The following FCRL5 variants were observed in gnomAD, a reference collection of about 807,000 sequenced individuals.
FCRL5 encodes the protein Fc receptor-like protein 5.
A neutral mutation model predicts 92.1 loss-of-function variants in FCRL5; 79 were observed. The observed-to-expected ratio is 0.86, with a 90% CI of 0.72 to 1.03. FCRL5 has a LOEUF of 1.03. Ranked by LOEUF, FCRL5 falls within the 50% of genes least tolerant of loss-of-function variation. FCRL5 has a pLI of 0.00. For synonymous variants in FCRL5, 466 were observed against 469.3 expected (o/e 0.99, Z 0.09); for missense variants, 1,160 against 1,181.1 (o/e 0.98, Z 0.26).
Position 157,529,929 on chromosome 1 carries a change from AACCAAAC to A in FCRL5, c.1682-2041_1682-2035del, listed in dbSNP as rs1335770583. On this transcript the variant is annotated intron_variant, in intron 8 of 16. Transcript: ENST00000361835. ...TTACTACTAAAGAAGTTACTCATGT[AACCAAAC>A]ACCACCTGGTCCCCAAAACTACTGA... Among the ~76,000 whole-genome samples the A allele has an allele frequency of 8.5e-5, 13 of 152,348 alleles. No homozygotes were observed. The East Asian group carries it at 2.5e-3, about 29-fold the overall frequency.
At chr1:157,547,457 G>A (rs1340402177) in intron 2 of FCRL5, 1 of 655,114 alleles carries the variant, frequency 1.5e-6, no homozygotes, top group Non-Finnish European at 2.8e-6. Flanking sequence ...ATCACAGTTA[G>A]GTAGCCTTAC....
chr1:157,543,138 C>T lies in FCRL5; in HGVS notation c.845-1G>A. On this transcript the variant is annotated splice_acceptor_variant, in intron 5 of 16. Coordinates refer to ENST00000361835, the MANE Select transcript of FCRL5 (RefSeq NM_031281.3). LOFTEE classifies it high-confidence loss of function. ...GTGAGGACAGGATGAGATGCAGGGA[C>T]TGAGCAAGAGAAAAAATTAGTCAAG... 1 of 1,612,188 alleles carries T rather than the reference C, an allele frequency of 6.2e-7. No homozygotes were observed. The highest frequency in any genetic ancestry group is 8.5e-7 in the Non-Finnish European group (1 of 1,179,110).
chr1:157,521,178 C>T lies in FCRL5; in HGVS notation c.2354G>A (p.Arg785Gln), dbSNP rs529674464. ...TAGGGTGACATCCTCATGAAAAAACCGGTACAGGATCAGGGGAGAGCCTCT... is the reference window on the plus strand; with the variant it reads ...TAGGGTGACATCCTCATGAAAAAACTGGTACAGGATCAGGGGAGAGCCTCT... ...ALRGSPLILY[R>Q]FFHEDVTLGN... Residue 785 changes from arginine to glutamine, a missense_variant, in exon 11 of 17, where the codon CGG becomes CAG. Transcript: ENST00000361835. 122 of 1,614,098 alleles carry T rather than the reference C, an allele frequency of 7.6e-5. No homozygotes were observed. Among genetic ancestry groups the T allele is most frequent in the Non-Finnish European group, 9.5e-5 (112 of 1,180,008 alleles).
intron 11 of FCRL5, 71 bp from the exon 12 acceptor site, chr1:157,520,618 C>T: frequency 1.7e-6 from 2 of 1,192,590 alleles, no homozygotes; most frequent in South Asian, 2.8e-5. Flanking sequence ...CCGGAAGCTG[C>T]TGCCTGGGCC....
Position 157,552,209 on chromosome 1 carries a change from A to G in FCRL5, c.31+123T>C, listed in dbSNP as rs527333528. On this transcript the variant is annotated intron_variant, in intron 1 of 16. Coordinates refer to ENST00000361835, the MANE Select transcript of FCRL5 (RefSeq NM_031281.3). ...GCTACAGAGTAAAGTTCAAAAATACAGTCTCCTAATGTAGGAGAGAGTCTC... is the reference window on the plus strand; with the variant it reads ...GCTACAGAGTAAAGTTCAAAAATACGGTCTCCTAATGTAGGAGAGAGTCTC... 35 of 920,984 alleles carry G rather than the reference A, an allele frequency of 3.8e-5. No homozygotes were observed. The African/African-American group carries it at 5.6e-4, about 15-fold the overall frequency. The allele number at this position is 920,984 out of a possible 1,614,324, so 57.1% of individuals were successfully genotyped here. A position where few individuals can be genotyped will look rare whatever the true frequency, so the allele number is the denominator to read the frequency against.
chr1:157,546,562 C>T (rs759722808), intron 3 of FCRL5, among the ~76,000 whole-genome samples: 2 of 151,980 alleles, frequency 1.3e-5, no homozygotes, highest in South Asian at 2.1e-4. Context: ...TTTCTGGTAC[C>T]GGAGAGGCTT....
chr1:157,515,288 G>A lies in FCRL5; in HGVS notation c.*387C>T, dbSNP rs1649867468. 9.9e-6 allele frequency: 3 copies of A among 301,742 alleles called. No homozygotes were observed. The allele number at this position is 301,742 out of a possible 1,614,324, so 18.7% of individuals were successfully genotyped here. ...TCTGTGTCGGAGTTTAGGAGCACCT[G>A]AGCTGTTAGGCCAGCCCGGCATCTC... On this transcript the variant is annotated 3_prime_UTR_variant, in exon 17 of 17. Transcript: ENST00000361835.
chr1:157,518,542 T>G (rs1286356118), intron 14 of FCRL5, 45 bp from the exon 15 acceptor site: 2 of 1,560,538 alleles, frequency 1.3e-6, no homozygotes, highest in Admixed American at 3.3e-5. Flanking sequence ...GGTTCTTGCC[T>G]CTTGTTAGAG....
chr1:157,525,568 C>T (rs74118654), intron 9 of FCRL5, among the ~76,000 whole-genome samples: 1 of 152,206 alleles, frequency 6.6e-6, no homozygotes, highest in African/African-American at 2.4e-5. Flanking sequence ...TTTAAAAGAC[C>T]ATTTTGACCT....
At chr1:157,545,203 TATC>T in intron 3 of FCRL5, 121 bp from the exon 4 acceptor site, 1 of 1,122,940 alleles carries the variant, frequency 8.9e-7, no homozygotes, top group Non-Finnish European at 1.2e-6. Context: ...TTAAAATAAT[TATC>T]ATTTCTTTTT....
rs921015251 is a variant in FCRL5, at chr1:157,518,380, A to G, written c.2812+49T>C. ...GCTGAGTGGGTAGAAACTGAGCTAT[A>G]CTGTCTAAGTTGAGGGTGGGCCAGA... is the stretch of plus-strand genomic sequence containing the variant. On this transcript the variant is annotated intron_variant, in intron 15 of 16. Coordinates refer to ENST00000361835, the MANE Select transcript of FCRL5 (RefSeq NM_031281.3). The G allele has an allele frequency of 4.0e-6, 6 of 1,496,102 alleles. No homozygotes were observed. In the Middle Eastern group the frequency reaches 5.1e-4, roughly 128 times the overall value. 92.7% of individuals were successfully genotyped at this position (1,496,102 alleles called of 1,614,324 possible).
intron 14 of FCRL5, 38 bp from the exon 15 acceptor site, chr1:157,518,535 T>C (rs1164597586): frequency 6.4e-7 from 1 of 1,571,906 alleles, no homozygotes; most frequent in Non-Finnish European, 8.8e-7. Flanking sequence ...ATGCTGAGGT[T>C]CTTGCCTCTT....
At position 157,515,610 on chromosome 1, in the gene FCRL5, G is replaced by A. The variant is rs1016195889; in HGVS notation, c.*65C>T. On this transcript the variant is annotated 3_prime_UTR_variant, in exon 17 of 17. Coordinates refer to ENST00000361835, the MANE Select transcript of FCRL5 (RefSeq NM_031281.3). ...GCCTAAATCTTCCCACTTCAATGCT[G>A]CTTCTCCCCCAAGGGGAACTTTGGG... is the stretch of plus-strand genomic sequence containing the variant. 1 of 1,613,864 alleles carries A rather than the reference G, an allele frequency of 6.2e-7. No homozygotes were observed. The highest frequency in any genetic ancestry group is 8.5e-7 in the Non-Finnish European group (1 of 1,180,006).
At chr1:157,545,249 GAA>G (rs1332547781) in intron 3 of FCRL5, among the ~76,000 whole-genome samples, 167 bp from the exon 4 acceptor site, 3 of 151,994 alleles carry the variant, frequency 2.0e-5, no homozygotes, top group Non-Finnish European at 4.4e-5. Context: ...TACACCTTAA[GAA>G]AAGTTGAAAA....
rs1434725047 is a variant in FCRL5 at position 157,520,505 on chromosome 1, G to A, written c.2558C>T (p.Ala853Val). Reference sequence around the variant, plus strand: ...GCCTGCTATGCTGAGCAGGCCCCCGGCGACTCCTGTGGCAAAAGGGCCACT... The same window carrying A: ...GCCTGCTATGCTGAGCAGGCCCCCGACGACTCCTGTGGCAAAAGGGCCACT... ...NRSGPFATGV[A>V]GGLLSIAGLA... is the part of the protein sequence containing the mutation. The change falls in exon 12 of 17, where the codon GCC becomes GTC. Residue 853 changes from alanine (A) to valine (V), a missense_variant. Ala to Val is a moderately conservative substitution (Grantham distance 64). Coordinates refer to ENST00000361835, the MANE Select transcript of FCRL5 (RefSeq NM_031281.3). The A allele has an allele frequency of 6.3e-7, 1 of 1,576,284 alleles. No homozygotes were observed. The highest frequency in any genetic ancestry group is 8.6e-7 in the Non-Finnish European group (1 of 1,160,716).
At chr1:157,543,258 C>A in intron 5 of FCRL5, 121 bp from the exon 6 acceptor site, 1 of 933,320 alleles carries the variant, frequency 1.1e-6, no homozygotes, top group East Asian at 2.6e-5. Flanking sequence ...ATCAGAACCA[C>A]ACACCCTTAC....
chr1:157,525,542 G>T (rs1052443211), intron 9 of FCRL5, among the ~76,000 whole-genome samples: 2 of 152,178 alleles, frequency 1.3e-5, no homozygotes, highest in African/African-American at 4.8e-5. Context: ...GCTGTGAGAT[G>T]ATCAAATTTG....
chr1:157,534,484 T>A, intron 8 of FCRL5, 130 bp downstream of exon 8: 2 of 1,111,762 alleles, frequency 1.8e-6, no homozygotes, highest in Non-Finnish European at 2.7e-6. Flanking sequence ...GCTAGTTAGT[T>A]GAGGAGGAAG....
chr1:157,529,744 T>G (rs776129089), intron 8 of FCRL5, among the ~76,000 whole-genome samples: 1 of 152,166 alleles, frequency 6.6e-6, no homozygotes, highest in Non-Finnish European at 1.5e-5. Context: ...ATGTTCTCAC[T>G]TATCAGTGGG....
Sources: allele counts gnomAD v4.1 joint callset (sites outside exome capture counted in the v4.1 genomes callset), GRCh38; gene constraint gnomAD v4.1.1; transcripts MANE v1.5; gene names NCBI Gene and HGNC (gene_info 2026-07-23, HGNC 2026-07-21).